Variants in LYPD6 observed in about 807,000 individuals in gnomAD.
LYPD6 encodes the protein ly6/PLAUR domain-containing protein 6.
A neutral mutation model predicts 22.7 loss-of-function variants in LYPD6; 15 were observed. The observed-to-expected ratio is 0.66, with a 90% CI of 0.44 to 1.02. The LOEUF is 1.02. LYPD6 is among the 50% of genes least tolerant of loss of function. The pLI is 0.00. For synonymous variants in LYPD6, 72 were observed against 77.5 expected (o/e 0.93, Z 0.37); for missense variants, 189 against 208.4 (o/e 0.91, Z 0.57).
chr2:149,399,246 C>A (rs1240158696), intron 1 of LYPD6, among the ~76,000 whole-genome samples: 4 of 151,836 alleles, frequency 2.6e-5, no homozygotes, highest in Non-Finnish European at 4.4e-5. Context: ...TTATTAGTAC[C>A]TGTAACTTTG....
chr2:149,412,070 T>G (rs1682863080), intron 1 of LYPD6, among the ~76,000 whole-genome samples: 1 of 152,232 alleles, frequency 6.6e-6, no homozygotes. Flanking sequence ...GCCTATATTA[T>G]CTTGACACAC....
At chr2:149,397,260 T>C (rs1682447562) in intron 1 of LYPD6, among the ~76,000 whole-genome samples, 1 of 152,190 alleles carries the variant, frequency 6.6e-6, no homozygotes, top group African/African-American at 2.4e-5. Context: ...TGGAGTCAGA[T>C]AGCAGCAGTG....
chr2:149,394,256 A>G (rs754469251), intron 1 of LYPD6, among the ~76,000 whole-genome samples: 1 of 152,186 alleles, frequency 6.6e-6, no homozygotes, highest in Non-Finnish European at 1.5e-5. Flanking sequence ...TAGTGCTTCT[A>G]GAAGCTTCCC....
chr2:149,474,657 A>G (rs553501800), downstream of LYPD6, among the ~76,000 whole-genome samples: 88 of 152,266 alleles, frequency 5.8e-4, no homozygotes, highest in Non-Finnish European at 1.1e-3. Context: ...CTTATTGCTG[A>G]TCTCCGTGGA....
intron 1 of LYPD6, among the ~76,000 whole-genome samples, chr2:149,425,239 T>C (rs948684896): frequency 5.3e-5 from 8 of 152,336 alleles, no homozygotes; most frequent in Non-Finnish European, 1.2e-4. Flanking sequence ...CACACCATGC[T>C]CACTATTCAC....
chr2:149,480,236 C>T, the LYPD6 span, among the ~76,000 whole-genome samples: 5 of 152,218 alleles, frequency 3.3e-5, no homozygotes, highest in East Asian at 1.9e-4. Context: ...TCTCAAACTC[C>T]TGACCTCAGG....
intron 1 of LYPD6, among the ~76,000 whole-genome samples, chr2:149,355,459 CTTT>C (rs1239171394): frequency 6.6e-5 from 10 of 152,158 alleles, no homozygotes; most frequent in African/African-American, 2.4e-4. Context: ...TTCAGAACTT[CTTT>C]GAGGACTTCA....
At chr2:149,413,020 T>G (rs1223490166) in intron 1 of LYPD6, among the ~76,000 whole-genome samples, 1 of 152,220 alleles carries the variant, frequency 6.6e-6, no homozygotes, top group Non-Finnish European at 1.5e-5. Flanking sequence ...TTTCCGAATT[T>G]CTATTGTTTT....
downstream of LYPD6, among the ~76,000 whole-genome samples, chr2:149,477,892 CT>C (rs1681468366): frequency 6.6e-6 from 1 of 152,072 alleles, no homozygotes; most frequent in Non-Finnish European, 1.5e-5. Flanking sequence ...CGGATGTGGA[CT>C]TTTAGGAAAG....
intron 1 of LYPD6, among the ~76,000 whole-genome samples, chr2:149,436,314 T>G (rs1008837075): frequency 3.4e-4 from 52 of 152,324 alleles, no homozygotes; most frequent in Non-Finnish European, 6.8e-4. Context: ...ATGAGTAACC[T>G]TGACTCCTTG....
chr2:149,439,831 C>G (rs1260109084), intron 2 of LYPD6: 1 of 152,202 alleles, frequency 6.6e-6, no homozygotes, highest in East Asian at 1.9e-4. Flanking sequence ...TTAGAAGAAA[C>G]TCGCCATATG....
the LYPD6 span, among the ~76,000 whole-genome samples, chr2:149,483,379 C>A: frequency 6.6e-6 from 1 of 152,160 alleles, no homozygotes; most frequent in African/African-American, 2.4e-5. Flanking sequence ...ATGTTGATTG[C>A]GTATCTGGGA....
At chr2:149,421,136 C>A (rs1683069106) in intron 1 of LYPD6, among the ~76,000 whole-genome samples, 1 of 152,126 alleles carries the variant, frequency 6.6e-6, no homozygotes, top group African/African-American at 2.4e-5. Flanking sequence ...CCACCACTTT[C>A]TTTAATCCCA....
chr2:149,382,908 A>G (rs1456779730), intron 1 of LYPD6, among the ~76,000 whole-genome samples: 1 of 152,140 alleles, frequency 6.6e-6, no homozygotes, highest in Non-Finnish European at 1.5e-5. Flanking sequence ...GATAAAAGGC[A>G]ATATATCTAG....
At chr2:149,379,094 A>G (rs1182286319) in intron 1 of LYPD6, among the ~76,000 whole-genome samples, 2 of 152,212 alleles carry the variant, frequency 1.3e-5, no homozygotes, top group Admixed American at 6.5e-5. Flanking sequence ...CTTCAGCACT[A>G]TATAAACCAA....
chr2:149,372,393 C>G (rs1212910319), intron 1 of LYPD6, among the ~76,000 whole-genome samples: 4 of 152,176 alleles, frequency 2.6e-5, no homozygotes, highest in African/African-American at 7.2e-5. Context: ...CTAAATTTCC[C>G]TAGCAGAATA....
chr2:149,399,618 C>A lies in LYPD6; in HGVS notation c.-71-38020C>A, dbSNP rs139154170. On this transcript the variant is annotated intron_variant, in intron 1 of 4. Transcript: ENST00000334166. ...GGAGTAAACTATTGGCCCAGAAGAT[C>A]AAGTGGAAGAGCAAAAACATATAAA... is the stretch of plus-strand genomic sequence containing the variant. Among the ~76,000 whole-genome samples the A allele has an allele frequency of 1.5e-3, 218 of 149,502 alleles. 1 individual carries two copies. Among genetic ancestry groups the A allele is most frequent in the Non-Finnish European group, 2.6e-3 (177 of 67,312 alleles).
intron 3 of LYPD6, among the ~76,000 whole-genome samples, chr2:149,457,385 G>C (rs753542295): frequency 1.1e-4 from 16 of 152,328 alleles, no homozygotes; most frequent in South Asian, 1.0e-3. Context: ...GGTAATACAA[G>C]AGTTTATTAG....
At chr2:149,455,169 A>G (rs566786057) in intron 3 of LYPD6, among the ~76,000 whole-genome samples, 33 of 150,524 alleles carry the variant, frequency 2.2e-4, no homozygotes, top group African/African-American at 7.6e-4. Flanking sequence ...TTAATTGGCT[A>G]TTTTAATTTT....
Sources: gnomAD v4.1 joint callset for allele counts (sites outside exome capture counted in the v4.1 genomes callset) on GRCh38, gnomAD v4.1.1 for gene constraint, MANE v1.5 for transcripts, NCBI Gene and HGNC (gene_info 2026-07-23, HGNC 2026-07-21) for gene names.